The following PHYH variants were observed in gnomAD, a reference collection of about 807,000 sequenced individuals.
PHYH encodes phytanoyl-CoA 2-hydroxylase.
In PHYH, 32 loss-of-function variants were observed where a neutral mutation model predicts 38.5. That is an observed-to-expected ratio of 0.83 (90% CI 0.63 to 1.12). The LOEUF is 1.12. PHYH is among the 50% of genes most tolerant of loss of function. The probability of loss-of-function intolerance (pLI) is 0.00; values close to 1 mark genes in which losing one functional copy is unlikely to be tolerated. For synonymous variants in PHYH, 166 were observed against 157.9 expected, an observed-to-expected ratio of 1.05 and a Z score of -0.38; for missense variants, 426 against 434.8, an observed-to-expected ratio of 0.98 and a Z score of 0.18.
chr10:13,286,540 A>G (rs1835554302), intron 6 of PHYH, among the ~76,000 whole-genome samples: 1 of 152,026 alleles, frequency 6.6e-6, no homozygotes, highest in South Asian at 2.1e-4. Context: ...GTCTCTACTA[A>G]AAATATAAAA....
chr10:13,296,219 T>C (rs1043529033), intron 2 of PHYH, among the ~76,000 whole-genome samples: 15 of 151,570 alleles, frequency 9.9e-5, no homozygotes, highest in African/African-American at 3.6e-4. Flanking sequence ...TTCATGCTCT[T>C]CAATTCAGCA....
intron 1 of PHYH, among the ~76,000 whole-genome samples, chr10:13,298,922 A>T (rs1229639940): frequency 3.4e-5 from 2 of 58,044 alleles, no homozygotes; most frequent in African/African-American, 4.5e-5. Context: ...TCCGTCTCAA[A>T]AATAATAATA....
rs559467682 is a variant in PHYH, at chr10:13,283,278, C to T, written c.828+412G>A. ...CCGAGTAGCTGGGACTACAGGCGCC[C>T]GCCACCTCGCCCAGCTAATTTTTTG... On this transcript the variant is annotated intron_variant, in intron 7 of 8. Transcript: ENST00000263038. Among the ~76,000 whole-genome samples the T allele has an allele frequency of 5.9e-5, 9 of 152,024 alleles. No individual in the cohort carries two copies. The South Asian group carries it at 1.5e-3, about 25-fold the overall frequency.
chr10:13,291,575 G>T, intron 5 of PHYH: 1 of 491,398 alleles, frequency 2.0e-6, no homozygotes, highest in Non-Finnish European at 3.7e-6. Flanking sequence ...CAACTCCTGG[G>T]CTCAAGTGAT....
chr10:13,277,905 T>C lies in PHYH; in HGVS notation c.*396A>G. ...GTTCTAGATTTGGGGGAAAAAAATC[T>C]CTTATGACATAAAATTGGTAGGGAA... On this transcript the variant is annotated 3_prime_UTR_variant, in exon 9 of 9. Transcript: ENST00000263038. 1 of 299,482 alleles carries C rather than the reference T, an allele frequency of 3.3e-6. No individual in the cohort carries two copies. Among genetic ancestry groups the C allele is most frequent in the Non-Finnish European group, 6.4e-6 (1 of 155,706 alleles). 18.6% of individuals were successfully genotyped at this position (299,482 alleles called of 1,614,324 possible).
rs771288405 is a variant in PHYH at position 13,281,092 on chromosome 10, C to T, written c.847G>A (p.Ala283Thr). ...TCAATGTAGTGGCAATCGGCACTGG[C>T]GAAATGGCAGGAAATTGCCTGTGCA... is the stretch of plus-strand genomic sequence containing the variant. ...GFRKAISCHF[A>T]SADCHYIDVK... The change falls in exon 8 of 9, where the codon GCC (alanine) becomes ACC (threonine). Residue 283 changes from alanine to threonine, a missense_variant. Physicochemically the swap from Ala to Thr is moderately conservative, Grantham distance 58. Coordinates refer to ENST00000263038, the MANE Select transcript of PHYH (RefSeq NM_006214.4). The T allele has an allele frequency of 1.4e-5, 22 of 1,613,962 alleles. No homozygotes were observed. Among genetic ancestry groups the T allele is most frequent in the South Asian group, 6.6e-5 (6 of 91,080 alleles).
chr10:13,296,305 A>T (rs1003321596), intron 2 of PHYH, among the ~76,000 whole-genome samples: 1 of 129,812 alleles, frequency 7.7e-6, no homozygotes, highest in Non-Finnish European at 1.7e-5. Flanking sequence ...GGCCGGGCAC[A>T]GTGGCTCATG....
At chr10:13,297,749 A>G (rs1456689520) in intron 2 of PHYH, among the ~76,000 whole-genome samples, 1 of 150,390 alleles carries the variant, frequency 6.6e-6, no homozygotes, top group Non-Finnish European at 1.5e-5. Context: ...GGCATGAGCC[A>G]CGGTGCCCGG....
At chr10:13,299,899 CA>C in intron 1 of PHYH, 68 bp downstream of exon 1, 1 of 1,473,260 alleles carries the variant, frequency 6.8e-7, no homozygotes, top group South Asian at 1.3e-5. Flanking sequence ...CCACCCGGAC[CA>C]GGGCCACCAC....
intron 6 of PHYH, among the ~76,000 whole-genome samples, chr10:13,286,902 G>A (rs1835565158): frequency 6.6e-6 from 1 of 152,188 alleles, no homozygotes. Flanking sequence ...GCAGGGAGAA[G>A]GATGGAGTAT....
At chr10:13,292,284 T>C (rs1001353405) in intron 4 of PHYH, among the ~76,000 whole-genome samples, 6 of 152,306 alleles carry the variant, frequency 3.9e-5, no homozygotes, top group African/African-American at 1.4e-4. Flanking sequence ...AAGAGTCCCA[T>C]ACAATTCACA....
chr10:13,293,500 C>T (rs1373869828), intron 4 of PHYH, among the ~76,000 whole-genome samples: 3 of 152,086 alleles, frequency 2.0e-5, no homozygotes, highest in African/African-American at 7.2e-5. Flanking sequence ...CTGGGTTTCA[C>T]CATGTGTCTC....
rs115198308 is a variant in PHYH at position 13,294,521 on chromosome 10, C to A, written c.321G>T (p.Ser107=). The change falls in exon 4 of 9, where the codon TCG becomes TCT. Residue 107 remains serine, a synonymous_variant. Transcript: ENST00000263038. ...GLTVMRDVTI[S]KSEYAPSEKM... ...TCTCACTTGGAGCATATTCGGATTT[C>A]GAAATGGTCACATCTCTCATTACTG... 21 of 1,613,798 alleles carry A rather than the reference C, an allele frequency of 1.3e-5. No individual in the cohort carries two copies. Among genetic ancestry groups the A allele is most frequent in the Non-Finnish European group, 1.6e-5 (19 of 1,179,810 alleles).
intron 2 of PHYH, among the ~76,000 whole-genome samples, chr10:13,297,682 G>A (rs1467164322): frequency 1.3e-5 from 2 of 151,804 alleles, no homozygotes; most frequent in Non-Finnish European, 2.9e-5. Flanking sequence ...GGCTGGTCTC[G>A]AACTCCTGAC....
Position 13,283,671 on chromosome 10 carries a change from C to G in PHYH, c.828+19G>C. ...CTAACCCACACTTCTGCAGCAGGTG[C>G]AGCAATGTGAATGCTTACCTTCCGG... is the stretch of plus-strand genomic sequence containing the variant. On this transcript the variant is annotated intron_variant, in intron 7 of 8. Coordinates refer to ENST00000263038, the MANE Select transcript of PHYH (RefSeq NM_006214.4). The G allele has an allele frequency of 6.2e-7, 1 of 1,612,964 alleles. No homozygotes were observed. Among genetic ancestry groups the G allele is most frequent in the South Asian group, 1.1e-5 (1 of 91,046 alleles).
At chr10:13,296,732 G>A (rs955801578) in intron 2 of PHYH, among the ~76,000 whole-genome samples, 1 of 142,916 alleles carries the variant, frequency 7.0e-6, no homozygotes, top group Non-Finnish European at 1.5e-5. Context: ...GGCTGAGGTG[G>A]GCGGATCACG....
At chr10:13,299,858 T>C (rs1282003546) in intron 1 of PHYH, 110 bp downstream of exon 1, 10 of 1,350,476 alleles carry the variant, frequency 7.4e-6, no homozygotes, top group Non-Finnish European at 8.5e-6. Flanking sequence ...GAGGAGGCGC[T>C]GGGGCTGCGA....
rs1223672879 is a variant in PHYH at position 13,298,955 on chromosome 10, TAATAATAATAAC to T, written c.76-722_76-711del. 1.6e-3 allele frequency among the ~76,000 whole-genome samples: 90 copies of T among 55,740 alleles called. No homozygotes were observed. In the East Asian group the frequency reaches 0.028, roughly 17 times the overall value. The allele number at this position is 55,740 out of a possible 152,430, so 36.6% of individuals were successfully genotyped here. ...ATAATAATAATAATAATAATAATAA[TAATAATAATAAC>T]AACAATAACAACAACAACATAAATT... On this transcript the variant is annotated intron_variant, in intron 1 of 8. Coordinates refer to ENST00000263038, the MANE Select transcript of PHYH (RefSeq NM_006214.4).
chr10:13,282,080 T>C (rs1408314345), intron 7 of PHYH, among the ~76,000 whole-genome samples: 1 of 151,610 alleles, frequency 6.6e-6, no homozygotes, highest in Admixed American at 6.6e-5. Context: ...ACCATGTCTG[T>C]ACAAAAAATG....
Sources: gnomAD v4.1 joint callset for allele counts (sites outside exome capture counted in the v4.1 genomes callset) on GRCh38, gnomAD v4.1.1 for gene constraint, MANE v1.5 for transcripts, NCBI Gene and HGNC (gene_info 2026-07-23, HGNC 2026-07-21) for gene names.